Variants in USP15 observed in about 807,000 individuals in gnomAD.
USP15 encodes ubiquitin carboxyl-terminal hydrolase 15.
A neutral mutation model predicts 127.1 loss-of-function variants in USP15; 18 were observed. That is an observed-to-expected ratio of 0.14 (90% CI 0.10 to 0.21). The LOEUF is 0.21. Ranked by LOEUF, USP15 falls within the 10% of genes least tolerant of loss-of-function variation. The pLI is 1.00. For missense variants in USP15, 805 were observed against 1,159.9 expected, an observed-to-expected ratio of 0.69 and a Z score of 4.44; for synonymous variants, 364 against 393.7, an observed-to-expected ratio of 0.92 and a Z score of 0.89.
chr12:62,282,519 G>T (rs1436164381), intron 1 of USP15, among the ~76,000 whole-genome samples: 1 of 152,128 alleles, frequency 6.6e-6, no homozygotes, highest in East Asian at 1.9e-4. Context: ...ATGCATAGGT[G>T]ATGAGATGAC....
chr12:62,294,471 A>G, intron 2 of USP15, 165 bp downstream of exon 2: 3 of 660,874 alleles, frequency 4.5e-6, no homozygotes, highest in Non-Finnish European at 6.9e-6. Flanking sequence ...TAAAAATTTT[A>G]TTAGTTATTA....
chr12:62,316,726 A>G (rs1020549276), intron 4 of USP15, among the ~76,000 whole-genome samples: 2 of 152,120 alleles, frequency 1.3e-5, no homozygotes, highest in Admixed American at 6.5e-5. Context: ...ACATTATTAT[A>G]CTAGGTATTT....
chr12:62,360,663 A>G (rs990817227), intron 8 of USP15, among the ~76,000 whole-genome samples: 1 of 152,084 alleles, frequency 6.6e-6, no homozygotes, highest in Admixed American at 6.6e-5. Flanking sequence ...CCTTATATTT[A>G]AATGAATATA....
intron 8 of USP15, chr12:62,374,618 T>A (rs2066766259): frequency 4.2e-6 from 4 of 963,632 alleles, no homozygotes; most frequent in Non-Finnish European, 4.9e-6. Context: ...GACTGAAGAC[T>A]TGAGATTTGG....
At chr12:62,299,940 C>T (rs1316419501) in intron 2 of USP15, among the ~76,000 whole-genome samples, 1 of 151,848 alleles carries the variant, frequency 6.6e-6, no homozygotes, top group African/African-American at 2.4e-5. Context: ...TTTTTGTGTG[C>T]TTGTTATATA....
intron 1 of USP15, among the ~76,000 whole-genome samples, chr12:62,288,741 CTT>C (rs1298721795): frequency 1.3e-5 from 2 of 152,016 alleles, no homozygotes; most frequent in East Asian, 3.9e-4. Context: ...TTGTTTGTGA[CTT>C]TTATTATTTT....
chr12:62,382,042 A>G (rs1225443777), intron 9 of USP15, among the ~76,000 whole-genome samples: 1 of 152,036 alleles, frequency 6.6e-6, no homozygotes, highest in Non-Finnish European at 1.5e-5. Context: ...CAAATGTAAA[A>G]GACTAAATTT....
intron 8 of USP15, among the ~76,000 whole-genome samples, chr12:62,370,688 T>C (rs2137523194): frequency 1.3e-5 from 2 of 152,290 alleles, no homozygotes; most frequent in East Asian, 3.9e-4. Context: ...CTAGGTTCCT[T>C]GTACCCCCTT....
At chr12:62,304,446 A>C (rs1218682187) in intron 3 of USP15, among the ~76,000 whole-genome samples, 1 of 152,126 alleles carries the variant, frequency 6.6e-6, no homozygotes, top group Non-Finnish European at 1.5e-5. Context: ...ATCACACTTA[A>C]ATTTGGGAAT....
intron 1 of USP15, among the ~76,000 whole-genome samples, chr12:62,273,651 A>G (rs2063402755): frequency 1.3e-5 from 2 of 152,106 alleles, no homozygotes; most frequent in Non-Finnish European, 2.9e-5. Context: ...TGGTATGACA[A>G]ATTCATCCAC....
Position 62,404,525 on chromosome 12 carries a change from G to A in USP15, c.*150G>A. Reference sequence around the variant, plus strand: ...CCTTTATCAGATTTTAACTTGTGCAGTACTTGAAGTGAAACACAATGAAAA... The same window carrying A: ...CCTTTATCAGATTTTAACTTGTGCAATACTTGAAGTGAAACACAATGAAAA... On this transcript the variant is annotated 3_prime_UTR_variant, in exon 22 of 22. Transcript: ENST00000280377. 8.9e-7 allele frequency: 1 copy of A among 1,119,128 alleles called. No homozygotes were observed. The highest frequency in any genetic ancestry group is 2.6e-5 in the South Asian group (1 of 38,792). 69.3% of individuals were successfully genotyped at this position (1,119,128 alleles called of 1,614,324 possible). A position where few individuals can be genotyped will look rare whatever the true frequency, so the allele number is the denominator to read the frequency against.
At chr12:62,262,356 C>A (rs975313830) in intron 1 of USP15, among the ~76,000 whole-genome samples, 25 of 152,282 alleles carry the variant, frequency 1.6e-4, no homozygotes, top group South Asian at 6.2e-4. Context: ...ACAAATAAGT[C>A]CCCGCTGGCT....
intron 6 of USP15, among the ~76,000 whole-genome samples, chr12:62,348,070 A>G (rs1053614266): frequency 2.0e-5 from 3 of 151,998 alleles, no homozygotes; most frequent in African/African-American, 7.2e-5. Context: ...TTAGCTGGGC[A>G]CGGTGGCACA....
At chr12:62,362,228 T>C (rs977944467) in intron 8 of USP15, among the ~76,000 whole-genome samples, 6 of 152,132 alleles carry the variant, frequency 3.9e-5, no homozygotes, top group Admixed American at 2.0e-4. Context: ...AATGCTTATG[T>C]TTTGTTTTTT....
At chr12:62,396,153 GAT>G (rs143018114) in intron 19 of USP15, 140 bp from the exon 20 acceptor site, 3,335 of 330,582 alleles carry the variant, frequency 0.01, no homozygotes, top group Middle Eastern at 0.016. Context: ...TCCTTAGTGA[GAT>G]ATATATATAT....
chr12:62,383,711 A>G (rs980484027), intron 9 of USP15, 129 bp from the exon 10 acceptor site: 29 of 1,150,044 alleles, frequency 2.5e-5, no homozygotes, highest in Non-Finnish European at 3.5e-5. Context: ...TTTTGGGGTT[A>G]CAAATACATT....
chr12:62,265,062 T>C (rs2063160975), intron 1 of USP15, among the ~76,000 whole-genome samples: 1 of 152,170 alleles, frequency 6.6e-6, no homozygotes, highest in Admixed American at 6.5e-5. Flanking sequence ...TTTCGTAAGT[T>C]TTTAAATGAC....
chr12:62,371,291 A>G (rs2066657868), intron 8 of USP15, among the ~76,000 whole-genome samples: 1 of 152,114 alleles, frequency 6.6e-6, no homozygotes. Flanking sequence ...CGTTTTTCAT[A>G]CTTTCTCTCT....
intron 9 of USP15, among the ~76,000 whole-genome samples, chr12:62,382,840 T>A (rs1475757268): frequency 1.3e-5 from 2 of 151,918 alleles, no homozygotes; most frequent in Admixed American, 1.3e-4. Flanking sequence ...CGTAATTATC[T>A]TTATGTGGTA....
Sources: allele counts gnomAD v4.1 joint callset (sites outside exome capture counted in the v4.1 genomes callset), GRCh38; gene constraint gnomAD v4.1.1; transcripts MANE v1.5; gene names NCBI Gene and HGNC (gene_info 2026-07-23, HGNC 2026-07-21).